AUTS2: variants seen among roughly 807,000 people sequenced by gnomAD.
AUTS2 encodes the protein activator of transcription and developmental regulator AUTS2.
Under a neutral mutation model 112.4 loss-of-function variants are expected in AUTS2, and 17 were observed. That is an observed-to-expected ratio of 0.15 (90% CI 0.10 to 0.23). The LOEUF is 0.23. Among genes scored for constraint, AUTS2 ranks in the 10% least tolerant of loss-of-function variants. AUTS2 has a pLI of 1.00. For synonymous variants in AUTS2, 751 were observed against 702.7 expected (o/e 1.07, Z -1.09); for missense variants, 1,510 against 1,701.6 (o/e 0.89, Z 1.98).
At chr7:69,788,120 C>CT (rs902569025) in intron 1 of AUTS2, among the ~76,000 whole-genome samples, 1 of 152,174 alleles carries the variant, frequency 6.6e-6, no homozygotes, top group Non-Finnish European at 1.5e-5. Context: ...ATCCTCTTCT[C>CT]TGTACTACTT....
intron 1 of AUTS2, among the ~76,000 whole-genome samples, chr7:69,604,180 G>A (rs914906919): frequency 2.6e-5 from 4 of 152,186 alleles, no homozygotes; most frequent in African/African-American, 9.7e-5. Flanking sequence ...TCCTGGCTCT[G>A]TTTTCAGGGC....
chr7:70,741,774 G>A (rs1262418445), intron 6 of AUTS2, among the ~76,000 whole-genome samples: 1 of 152,104 alleles, frequency 6.6e-6, no homozygotes, highest in East Asian at 1.9e-4. Context: ...GTTTGCTCAT[G>A]GGAGCTGACA....
intron 1 of AUTS2, among the ~76,000 whole-genome samples, chr7:69,872,079 C>T (rs907621991): frequency 6.6e-6 from 1 of 152,196 alleles, no homozygotes; most frequent in African/African-American, 2.4e-5. Context: ...ACTTACAAAA[C>T]AAAGTTCAAA....
intron 5 of AUTS2, among the ~76,000 whole-genome samples, chr7:70,486,533 C>T (rs894629746): frequency 2.0e-5 from 3 of 151,930 alleles, no homozygotes; most frequent in Middle Eastern, 3.2e-3. Context: ...GTCAGGAGTT[C>T]GAGACCAGCC....
At chr7:69,849,859 T>G (rs1168058705) in intron 1 of AUTS2, among the ~76,000 whole-genome samples, 1 of 152,174 alleles carries the variant, frequency 6.6e-6, no homozygotes. Context: ...ACATTTTGAT[T>G]CTTTTTACTT....
At chr7:69,972,613 A>C (rs1797891692) in intron 2 of AUTS2, among the ~76,000 whole-genome samples, 1 of 151,364 alleles carries the variant, frequency 6.6e-6, no homozygotes, top group South Asian at 2.1e-4. Flanking sequence ...TTTTGAGATA[A>C]ATTTTTTATA....
chr7:70,228,321 G>A (rs1400245785), intron 4 of AUTS2, among the ~76,000 whole-genome samples: 1 of 151,020 alleles, frequency 6.6e-6, no homozygotes, highest in Non-Finnish European at 1.5e-5. Flanking sequence ...GCATTTGTAT[G>A]TAAAATGTAT....
chr7:70,657,258 G>A (rs1219392909), intron 5 of AUTS2, among the ~76,000 whole-genome samples: 1 of 152,174 alleles, frequency 6.6e-6, no homozygotes, highest in Non-Finnish European at 1.5e-5. Flanking sequence ...TGCATGCAAG[G>A]ATACATTATA....
intron 4 of AUTS2, among the ~76,000 whole-genome samples, chr7:70,174,117 G>T (rs1021126692): frequency 5.9e-5 from 9 of 152,358 alleles, no homozygotes; most frequent in Admixed American, 2.0e-4. Flanking sequence ...AAGGAAAAGT[G>T]ATTAAAGGAA....
chr7:70,336,313 C>T (rs1790987785), intron 4 of AUTS2, among the ~76,000 whole-genome samples: 1 of 152,194 alleles, frequency 6.6e-6, no homozygotes, highest in East Asian at 1.9e-4. Context: ...TTTCTGTTCC[C>T]ACAGGACAAC....
chr7:69,712,224 A>G (rs1798359697), intron 1 of AUTS2, among the ~76,000 whole-genome samples: 1 of 152,178 alleles, frequency 6.6e-6, no homozygotes, highest in Non-Finnish European at 1.5e-5. Context: ...TTTTTTAAAA[A>G]TTGAAGTAAA....
intron 12 of AUTS2, chr7:70,774,301 G>C (rs1790549849): frequency 1.8e-6 from 1 of 556,594 alleles, no homozygotes; most frequent in Non-Finnish European, 3.2e-6. Context: ...GACACAAAGA[G>C]ACCGACTTGC....
chr7:69,761,907 T>A (rs1240220054), intron 1 of AUTS2, among the ~76,000 whole-genome samples: 2 of 152,222 alleles, frequency 1.3e-5, no homozygotes, highest in African/African-American at 2.4e-5. Context: ...TGTTGGGCCT[T>A]TATTGAATGA....
At chr7:69,690,100 T>C (rs927226428) in intron 1 of AUTS2, among the ~76,000 whole-genome samples, 1 of 152,224 alleles carries the variant, frequency 6.6e-6, no homozygotes, top group African/African-American at 2.4e-5. Context: ...AAATTTTACT[T>C]TTTTGGTCTG....
At chr7:69,735,413 T>C (rs1786985600) in intron 1 of AUTS2, among the ~76,000 whole-genome samples, 1 of 152,178 alleles carries the variant, frequency 6.6e-6, no homozygotes, top group African/African-American at 2.4e-5. Context: ...GAATGGATGC[T>C]GTGGGGGCTG....
chr7:69,977,760 T>C (rs1351954452), intron 2 of AUTS2, among the ~76,000 whole-genome samples: 1 of 152,154 alleles, frequency 6.6e-6, no homozygotes, highest in Non-Finnish European at 1.5e-5. Flanking sequence ...GTCATTGACA[T>C]TACTGGGTTT....
chr7:70,351,390 A>G (rs1451298749), intron 4 of AUTS2, among the ~76,000 whole-genome samples: 2 of 152,128 alleles, frequency 1.3e-5, no homozygotes, highest in African/African-American at 4.8e-5. Context: ...ATATGTGTAC[A>G]CACACACTAC....
chr7:70,626,769 G>T (rs932375939), intron 5 of AUTS2, among the ~76,000 whole-genome samples: 24 of 152,216 alleles, frequency 1.6e-4, no homozygotes, highest in African/African-American at 5.3e-4. Context: ...TTCAGTATTT[G>T]GTTTTCTCTT....
chr7:69,974,668 G>C (rs1335942891), intron 2 of AUTS2, among the ~76,000 whole-genome samples: 1 of 152,076 alleles, frequency 6.6e-6, no homozygotes, highest in Non-Finnish European at 1.5e-5. Context: ...TTCTGTTTGG[G>C]TCTCAATGGA....
Sources: allele counts gnomAD v4.1 joint callset (sites outside exome capture counted in the v4.1 genomes callset), GRCh38; gene constraint gnomAD v4.1.1; transcripts MANE v1.5; gene names NCBI Gene and HGNC (gene_info 2026-07-23, HGNC 2026-07-21).